ACBD6: variants seen among roughly 807,000 people sequenced by gnomAD.
The protein encoded by ACBD6 is acyl-CoA binding domain containing 6.
In ACBD6, 28 loss-of-function variants were observed where a neutral mutation model predicts 37.2. The ratio of observed to expected loss-of-function variants is 0.75; its 90% CI spans 0.56 to 1.03. The LOEUF is 1.03. Among genes scored for constraint, ACBD6 ranks in the 50% least tolerant of loss-of-function variants. The pLI is 0.00. For missense variants in ACBD6, 340 were observed against 337.4 expected (o/e 1.01, Z -0.06); for synonymous variants, 113 against 126.8 (o/e 0.89, Z 0.73).
chr1:180,271,165 G>A (rs1458042518), exon 14 of ACBD6: 2 of 627,064 alleles, frequency 3.2e-6, no homozygotes, highest in Non-Finnish European at 5.8e-6. Flanking sequence ...AGAAAGGACT[G>A]CTGTCCTCAC....
intron 3 of ACBD6, among the ~76,000 whole-genome samples, chr1:180,474,285 G>T (rs1650698614): frequency 6.6e-6 from 1 of 152,074 alleles, no homozygotes; most frequent in South Asian, 2.1e-4. Context: ...TCTTTAAAAA[G>T]TTATAAAATG....
intron 3 of ACBD6, among the ~76,000 whole-genome samples, chr1:180,465,806 T>G (rs1301249866): frequency 1.3e-5 from 2 of 152,134 alleles, no homozygotes; most frequent in South Asian, 2.1e-4. Context: ...GCAGTACACA[T>G]ACATCACAGA....
At chr1:180,435,650 G>A (rs755777933) in intron 3 of ACBD6, 37 of 998,488 alleles carry the variant, frequency 3.7e-5, no homozygotes, top group Non-Finnish European at 4.8e-5. Flanking sequence ...TATGAATGAC[G>A]GGACAGAGTT....
intron 3 of ACBD6, among the ~76,000 whole-genome samples, chr1:180,466,031 T>G (rs10914004): frequency 0.11 from 16,327 of 152,018 alleles, 1,283 homozygotes; most frequent in African/African-American, 0.21. Flanking sequence ...GCAGAAAAGA[T>G]AATTATTGGG....
intron 5 of ACBD6, among the ~76,000 whole-genome samples, chr1:180,413,116 C>A (rs1482868260): frequency 6.6e-6 from 1 of 152,174 alleles, no homozygotes; most frequent in East Asian, 1.9e-4. Flanking sequence ...CTCCCTTTAG[C>A]ATAAACATAT....
chr1:180,493,247 C>CAAAAAAAAAAAAAAAAA (rs71121023), intron 2 of ACBD6, among the ~76,000 whole-genome samples: 3 of 47,796 alleles, frequency 6.3e-5, no homozygotes, highest in African/African-American at 1.2e-4. Context: ...AATTCTGTCT[C>CAAAAAAAAAAAAAAAAA]AAAAAAAAAA....
At chr1:180,318,485 A>G (rs1195772926) in intron 6 of ACBD6, among the ~76,000 whole-genome samples, 1 of 152,064 alleles carries the variant, frequency 6.6e-6, no homozygotes, top group Non-Finnish European at 1.5e-5. Context: ...GGGGGGTTTT[A>G]TCTTTGAAAA....
At chr1:180,436,939 C>T (rs1649061531) in intron 3 of ACBD6, among the ~76,000 whole-genome samples, 1 of 152,196 alleles carries the variant, frequency 6.6e-6, no homozygotes, top group Non-Finnish European at 1.5e-5. Flanking sequence ...GATATCTATT[C>T]TCATCACTTC....
chr1:180,338,852 C>G (rs1340685244), intron 6 of ACBD6, among the ~76,000 whole-genome samples: 1 of 152,104 alleles, frequency 6.6e-6, no homozygotes, highest in Non-Finnish European at 1.5e-5. Flanking sequence ...CAAACAACCC[C>G]ATCAAAAAGT....
chr1:180,323,543 T>A (rs1327412285), intron 6 of ACBD6, among the ~76,000 whole-genome samples: 2 of 152,100 alleles, frequency 1.3e-5, no homozygotes, highest in Non-Finnish European at 2.9e-5. Context: ...TCTCTCTCTT[T>A]ACCTCTAATA....
chr1:180,502,240 C>A lies in ACBD6; in HGVS notation c.27G>T (p.Gly9=), dbSNP rs1652015451. ...CTCCACCGCTGTCGCCGGTGATGGC[C>A]CCCGCGGGCAGGAATGATGAAGCCA... The part of the protein sequence containing the change: MASSFLPA[G]AITGDSGGEL... Residue 9 remains glycine (G), a synonymous_variant, in exon 1 of 8, where the codon GGG becomes GGT. Coordinates refer to ENST00000367595, the MANE Select transcript of ACBD6 (RefSeq NM_032360.4). 2 of 1,613,626 alleles carry A rather than the reference C, an allele frequency of 1.2e-6. No individual in the cohort carries two copies. Among genetic ancestry groups the A allele is most frequent in the Non-Finnish European group, 1.7e-6 (2 of 1,180,054 alleles).
At chr1:180,410,294 A>C (rs1476763514) in intron 5 of ACBD6, among the ~76,000 whole-genome samples, 1 of 152,274 alleles carries the variant, frequency 6.6e-6, no homozygotes, top group Non-Finnish European at 1.5e-5. Flanking sequence ...CAGAAGACCT[A>C]GTTAAAGTAA....
At chr1:180,476,935 A>G (rs886799673) in intron 3 of ACBD6, among the ~76,000 whole-genome samples, 3 of 152,228 alleles carry the variant, frequency 2.0e-5, no homozygotes, top group Non-Finnish European at 2.9e-5. Flanking sequence ...ATCAGATTAT[A>G]TATCTATTAA....
intron 6 of ACBD6, among the ~76,000 whole-genome samples, chr1:180,394,817 A>C (rs771738498): frequency 6.6e-6 from 1 of 152,208 alleles, no homozygotes; most frequent in Non-Finnish European, 1.5e-5. Flanking sequence ...CATAGGATAC[A>C]TATATCAATT....
At chr1:180,272,682 T>C (rs1285722567) in exon 13 of ACBD6, 1 of 152,284 alleles carries the variant, frequency 6.6e-6, no homozygotes. Flanking sequence ...TTCTCAAATG[T>C]GGAAGGTCTT....
chr1:180,417,288 C>A (rs576177113), intron 4 of ACBD6, among the ~76,000 whole-genome samples: 7 of 152,284 alleles, frequency 4.6e-5, no homozygotes, highest in African/African-American at 1.7e-4. Flanking sequence ...TTTCCACATT[C>A]CCTCTGCTCA....
intron 3 of ACBD6, among the ~76,000 whole-genome samples, chr1:180,440,609 C>A (rs111560147): frequency 0.16 from 23,325 of 150,246 alleles, 1,757 homozygotes; most frequent in Middle Eastern, 0.22. Flanking sequence ...CCATTCCCCT[C>A]TCCCCCAAAC....
intron 4 of ACBD6, among the ~76,000 whole-genome samples, chr1:180,426,615 A>G (rs1161804890): frequency 6.6e-6 from 1 of 152,200 alleles, no homozygotes; most frequent in Admixed American, 6.5e-5. Flanking sequence ...AAAGCAAACA[A>G]CTTGCATTTA....
intron 4 of ACBD6, among the ~76,000 whole-genome samples, chr1:180,421,658 A>C (rs1476542607): frequency 6.6e-6 from 1 of 152,052 alleles, no homozygotes; most frequent in Non-Finnish European, 1.5e-5. Flanking sequence ...ATCTCACCAG[A>C]ATCTGTTGTT....
Sources: allele counts gnomAD v4.1 joint callset (sites outside exome capture counted in the v4.1 genomes callset), GRCh38; gene constraint gnomAD v4.1.1; transcripts MANE v1.5; gene names NCBI Gene and HGNC (gene_info 2026-07-23, HGNC 2026-07-21).